The following SEMA3C variants were observed in gnomAD, a reference collection of about 807,000 sequenced individuals.
The protein encoded by SEMA3C is semaphorin 3C, also known as semaphorin-3C.
SEMA3C carries 47 observed loss-of-function variants against 89.4 expected under a neutral mutation model. The observed-to-expected ratio is 0.53, with a 90% CI of 0.42 to 0.67. The LOEUF (loss-of-function observed/expected upper bound fraction) is 0.67. Ranked by LOEUF, SEMA3C falls within the 30% of genes least tolerant of loss-of-function variation. The pLI, the probability that SEMA3C is intolerant of heterozygous loss-of-function variation, is 0.00. For missense variants in SEMA3C, 839 were observed against 929.1 expected, an observed-to-expected ratio of 0.90 and a Z score of 1.26; for synonymous variants, 310 against 320.2, an observed-to-expected ratio of 0.97 and a Z score of 0.34.
chr7:80,744,793 C>T lies in SEMA3C; in HGVS notation c.*101G>A. On this transcript the variant is annotated 3_prime_UTR_variant, in exon 18 of 18. Coordinates refer to ENST00000265361, the MANE Select transcript of SEMA3C (RefSeq NM_006379.5). ...TCACTTCAGGAGTAATCACCTTTTTCAGTAATTCCCCTTGGTAAAGCACAA... is the reference window on the plus strand; with the variant it reads ...TCACTTCAGGAGTAATCACCTTTTTTAGTAATTCCCCTTGGTAAAGCACAA... The T allele has an allele frequency of 7.5e-7, 1 of 1,335,606 alleles. No homozygotes were observed. The highest frequency in any genetic ancestry group is 1.1e-6 in the Non-Finnish European group (1 of 945,184). 82.7% of individuals were successfully genotyped at this position (1,335,606 alleles called of 1,614,324 possible). A position where few individuals can be genotyped will look rare whatever the true frequency, so the allele number is the denominator to read the frequency against.
At chr7:80,916,606 T>C (rs936629845) in intron 2 of SEMA3C, 73 bp downstream of exon 2, 24 of 1,373,794 alleles carry the variant, frequency 1.7e-5, no homozygotes, top group South Asian at 7.4e-5. Flanking sequence ...TACTCTTAAT[T>C]TCTGAATCTG....
chr7:80,863,553 C>T (rs1385496655), intron 2 of SEMA3C, among the ~76,000 whole-genome samples: 3 of 151,668 alleles, frequency 2.0e-5, no homozygotes, highest in Non-Finnish European at 4.4e-5. Context: ...AAGGTACTTG[C>T]ACAGGCATGC....
At chr7:80,748,114 A>C (rs756732952) in intron 17 of SEMA3C, among the ~76,000 whole-genome samples, 3 of 152,156 alleles carry the variant, frequency 2.0e-5, no homozygotes, top group African/African-American at 4.8e-5. Context: ...GGCTCCATCA[A>C]CTTTATGCTG....
chr7:80,765,807 G>A (rs144357023), intron 12 of SEMA3C, among the ~76,000 whole-genome samples: 1,552 of 152,192 alleles, frequency 0.01, 27 homozygotes, highest in African/African-American at 0.035. Context: ...TCAATCTCCT[G>A]ATCTCATGAT....
At chr7:80,789,596 T>G in intron 11 of SEMA3C, 68 bp from the exon 12 acceptor site, 1 of 1,142,026 alleles carries the variant, frequency 8.8e-7, no homozygotes, top group East Asian at 2.6e-5. Flanking sequence ...AATCAAAAAC[T>G]CTCTACTTTT....
At chr7:80,773,216 C>G (rs748262854) in intron 12 of SEMA3C, among the ~76,000 whole-genome samples, 1 of 151,616 alleles carries the variant, frequency 6.6e-6, no homozygotes, top group Non-Finnish European at 1.5e-5. Context: ...GACTTACTTG[C>G]AATATATTAA....
intron 2 of SEMA3C, among the ~76,000 whole-genome samples, chr7:80,847,910 C>G (rs957722831): frequency 2.6e-5 from 4 of 152,186 alleles, no homozygotes; most frequent in African/African-American, 9.6e-5. Context: ...ACTAAATAAT[C>G]AGTAAGATCG....
intron 15 of SEMA3C, among the ~76,000 whole-genome samples, chr7:80,758,029 A>C (rs1244430987): frequency 6.6e-6 from 1 of 152,126 alleles, no homozygotes; most frequent in East Asian, 1.9e-4. Flanking sequence ...AAAATGCAAA[A>C]AGCTAAATGC....
intron 12 of SEMA3C, among the ~76,000 whole-genome samples, chr7:80,777,707 A>G (rs1046700383): frequency 5.9e-5 from 9 of 152,354 alleles, no homozygotes; most frequent in African/African-American, 2.2e-4. Context: ...ATAGAATTTT[A>G]CAGGTGCACA....
At chr7:80,783,626 A>T (rs1394014724) in intron 12 of SEMA3C, among the ~76,000 whole-genome samples, 2 of 152,172 alleles carry the variant, frequency 1.3e-5, no homozygotes, top group African/African-American at 4.8e-5. Flanking sequence ...CAAATTTTAC[A>T]TGGGGTATTT....
intron 14 of SEMA3C, among the ~76,000 whole-genome samples, chr7:80,760,799 T>C (rs1021596275): frequency 2.6e-5 from 4 of 152,194 alleles, no homozygotes; most frequent in African/African-American, 4.8e-5. Flanking sequence ...CTTACAAATG[T>C]AGAAACTCAG....
At chr7:80,821,805 TTAAA>T (rs1789755021) in intron 4 of SEMA3C, among the ~76,000 whole-genome samples, 1 of 151,968 alleles carries the variant, frequency 6.6e-6, no homozygotes, top group Non-Finnish European at 1.5e-5. Flanking sequence ...CCCAGAGAGG[TTAAA>T]TAAAGAGTTC....
intron 15 of SEMA3C, among the ~76,000 whole-genome samples, chr7:80,754,292 A>G (rs551646732): frequency 1.3e-5 from 2 of 152,152 alleles, no homozygotes; most frequent in East Asian, 1.9e-4. Flanking sequence ...ATATTTACCA[A>G]CTTCATTATG....
rs375051315 is a variant in SEMA3C at position 80,911,541 on chromosome 7, G to GCACCATC, written c.103+5131_103+5137dup. ...TAAAATAAGCTATCTAGGATCACTTGCACCATCTTCATTTGATAAAGAGTT... is the reference window on the plus strand; with the variant it reads ...TAAAATAAGCTATCTAGGATCACTTGCACCATCCACCATCTTCATTTGATAAAGAGTT... On this transcript the variant is annotated intron_variant, in intron 2 of 17. Coordinates refer to ENST00000265361, the MANE Select transcript of SEMA3C (RefSeq NM_006379.5). Among the ~76,000 whole-genome samples, 237 of 151,570 alleles carry GCACCATC rather than the reference G, an allele frequency of 1.6e-3. 2 individuals are homozygous for GCACCATC. In the East Asian group the frequency reaches 0.023, roughly 15 times the overall value.
At chr7:80,876,911 T>A (rs950799397) in intron 2 of SEMA3C, among the ~76,000 whole-genome samples, 5 of 152,168 alleles carry the variant, frequency 3.3e-5, no homozygotes, top group African/African-American at 1.2e-4. Flanking sequence ...CATCACTGCA[T>A]TGCTCCCAGC....
intron 5 of SEMA3C, chr7:80,816,173 T>C (rs1789603086): frequency 6.6e-6 from 1 of 152,056 alleles, no homozygotes; most frequent in South Asian, 2.1e-4. Flanking sequence ...AAATGGGGTA[T>C]AACAAAAGCA....
At chr7:80,801,450 A>G (rs1789205811) in intron 9 of SEMA3C, among the ~76,000 whole-genome samples, 1 of 152,096 alleles carries the variant, frequency 6.6e-6, no homozygotes, top group South Asian at 2.1e-4. Context: ...AAACAAAAGT[A>G]TGCACAGTGA....
intron 2 of SEMA3C, among the ~76,000 whole-genome samples, chr7:80,835,026 C>T (rs1790093602): frequency 6.6e-6 from 1 of 151,908 alleles, no homozygotes. Context: ...CAATTGTATA[C>T]CTGTCAAACT....
At chr7:80,874,884 C>T (rs1195576516) in intron 2 of SEMA3C, among the ~76,000 whole-genome samples, 1 of 151,968 alleles carries the variant, frequency 6.6e-6, no homozygotes, top group Non-Finnish European at 1.5e-5. Context: ...AGTTCGAGAC[C>T]AGCCTGACCA....
Sources: allele counts gnomAD v4.1 joint callset (sites outside exome capture counted in the v4.1 genomes callset), GRCh38; gene constraint gnomAD v4.1.1; transcripts MANE v1.5; gene names NCBI Gene and HGNC (gene_info 2026-07-23, HGNC 2026-07-21).